The following GUCA1C variants were observed in gnomAD, a reference collection of about 807,000 sequenced individuals.
The protein encoded by GUCA1C is guanylyl cyclase-activating protein 3.
Under a neutral mutation model 16.2 loss-of-function variants are expected in GUCA1C, and 15 were observed. That is an observed-to-expected ratio of 0.93 (90% CI 0.62 to 1.43). The LOEUF (loss-of-function observed/expected upper bound fraction) is 1.43, where lower values mean the gene tolerates loss of function less well. Among genes scored for constraint, GUCA1C ranks in the 40% most tolerant of loss-of-function variants. The probability of loss-of-function intolerance (pLI) is 0.00; values close to 1 mark genes in which losing one functional copy is unlikely to be tolerated. For synonymous variants in GUCA1C, 78 were observed against 85.4 expected, an observed-to-expected ratio of 0.91 and a Z score of 0.48; for missense variants, 275 against 244.8, an observed-to-expected ratio of 1.12 and a Z score of -0.82.
chr3:108,926,335 C>A (rs903215515), intron 1 of GUCA1C, among the ~76,000 whole-genome samples: 5 of 152,204 alleles, frequency 3.3e-5, no homozygotes, highest in Non-Finnish European at 7.3e-5. Flanking sequence ...TTAGGTGAGT[C>A]TCTTGAAGGC....
chr3:108,928,283 C>G (rs866965485), intron 1 of GUCA1C, among the ~76,000 whole-genome samples: 1 of 152,216 alleles, frequency 6.6e-6, no homozygotes, highest in Admixed American at 6.5e-5. Context: ...TCTCCACCAT[C>G]CTAATCCAGA....
At chr3:108,931,219 T>TGCATTTTTCAATGTCGACC (rs2107298163) in intron 1 of GUCA1C, among the ~76,000 whole-genome samples, 1 of 152,366 alleles carries the variant, frequency 6.6e-6, no homozygotes, top group East Asian at 1.9e-4. Context: ...CTTCAGTGAC[T>TGCATTTTTCAATGTCGACC]GCATTTTTCA....
At chr3:108,938,281 G>A (rs1239696573) in intron 1 of GUCA1C, among the ~76,000 whole-genome samples, 2 of 152,028 alleles carry the variant, frequency 1.3e-5, no homozygotes, top group Non-Finnish European at 2.9e-5. Flanking sequence ...AATTTTCACA[G>A]CCCCATAACC....
At chr3:108,948,916 C>T (rs1229383245) in intron 1 of GUCA1C, among the ~76,000 whole-genome samples, 2 of 151,220 alleles carry the variant, frequency 1.3e-5, no homozygotes, top group Non-Finnish European at 2.9e-5. Context: ...GGCACGATCT[C>T]AACTCTCTGC....
chr3:108,915,123 G>T (rs971830275), intron 3 of GUCA1C, among the ~76,000 whole-genome samples: 1 of 150,856 alleles, frequency 6.6e-6, no homozygotes, highest in South Asian at 2.2e-4. Flanking sequence ...GCTTCCTCCC[G>T]GCCTCACCAT....
chr3:108,913,133 G>T (rs746771181), intron 3 of GUCA1C, among the ~76,000 whole-genome samples: 18 of 151,754 alleles, frequency 1.2e-4, no homozygotes, highest in Non-Finnish European at 2.5e-4. Context: ...AGTCTTTTTA[G>T]TTGTATCTTT....
intron 3 of GUCA1C, among the ~76,000 whole-genome samples, chr3:108,912,122 A>AATAATAATAATAATAATAATCATC (rs762101057): frequency 2.2e-3 from 327 of 147,738 alleles, no homozygotes; most frequent in South Asian, 8.5e-3. Flanking sequence ...TAATAATAAT[A>AATAATAATAATAATAATAATCATC]ATCACCCTTT....
Position 108,908,192 on chromosome 3 carries a change from C to T in GUCA1C, c.460G>A (p.Glu154Lys). The T allele has an allele frequency of 6.2e-7, 1 of 1,612,620 alleles. No individual in the cohort carries two copies. Among genetic ancestry groups the T allele is most frequent in the Non-Finnish European group, 8.5e-7 (1 of 1,178,782 alleles). The change falls in exon 4 of 4, where the codon GAA becomes AAA. Residue 154 changes from glutamate to lysine, a missense_variant. Transcript: ENST00000261047. ...INNDGELTLE[E>K]FINGMAKDQD... is the part of the protein sequence containing the mutation. ...TCTTTTGCCATGCCATTGATAAATT[C>T]TTCTAAAGTCAATTCCCCTGGAAAA...
chr3:108,952,911 T>C lies in GUCA1C; in HGVS notation c.204+648A>G, dbSNP rs79340187. Among the ~76,000 whole-genome samples, 37 of 152,236 alleles carry C rather than the reference T, an allele frequency of 2.4e-4. No individual in the cohort carries two copies. In the East Asian group the frequency reaches 6.4e-3, roughly 26 times the overall value. On this transcript the variant is annotated intron_variant, in intron 1 of 3. Coordinates refer to ENST00000261047, the MANE Select transcript of GUCA1C (RefSeq NM_005459.4). ...ATATTCTTTTCTCTTCTTTGTATTT[T>C]TTCAAGAAATGAAATTAAATGCACT...
At chr3:108,946,440 G>A (rs145612821) in intron 1 of GUCA1C, among the ~76,000 whole-genome samples, 145 of 152,204 alleles carry the variant, frequency 9.5e-4, no homozygotes, top group African/African-American at 3.2e-3. Context: ...ACAGCCTATG[G>A]TACATTTTGT....
At chr3:108,944,644 G>C (rs950803235) in intron 1 of GUCA1C, among the ~76,000 whole-genome samples, 4 of 152,134 alleles carry the variant, frequency 2.6e-5, no homozygotes, top group African/African-American at 9.7e-5. Context: ...ATGCAACCCC[G>C]TGTCTCATTT....
chr3:108,924,715 G>A (rs778935363), intron 1 of GUCA1C, among the ~76,000 whole-genome samples: 1 of 152,030 alleles, frequency 6.6e-6, no homozygotes, highest in African/African-American at 2.4e-5. Context: ...AATAGGATTG[G>A]TACCAATTCT....
chr3:108,912,182 C>G (rs898796440), intron 3 of GUCA1C, among the ~76,000 whole-genome samples: 4 of 151,396 alleles, frequency 2.6e-5, no homozygotes, highest in Non-Finnish European at 5.9e-5. Context: ...TATTAAGAGC[C>G]ACTTAAGTCT....
chr3:108,912,324 T>C (rs1264292246), intron 3 of GUCA1C, among the ~76,000 whole-genome samples: 1 of 151,828 alleles, frequency 6.6e-6, no homozygotes, highest in African/African-American at 2.4e-5. Context: ...TGGTAGAATA[T>C]GGATTGCTAT....
At chr3:108,908,661 T>G (rs1441542520) in intron 3 of GUCA1C, among the ~76,000 whole-genome samples, 1 of 152,220 alleles carries the variant, frequency 6.6e-6, no homozygotes, top group East Asian at 1.9e-4. Flanking sequence ...GTGAGAAAGC[T>G]TCAACATGTG....
chr3:108,945,835 T>C (rs1049125487), intron 1 of GUCA1C, among the ~76,000 whole-genome samples: 2 of 152,244 alleles, frequency 1.3e-5, no homozygotes, highest in African/African-American at 4.8e-5. Flanking sequence ...GGCTTCCTGT[T>C]ATACTAAAAG....
At chr3:108,940,480 G>A (rs918964276) in intron 1 of GUCA1C, among the ~76,000 whole-genome samples, 1 of 152,220 alleles carries the variant, frequency 6.6e-6, no homozygotes, top group African/African-American at 2.4e-5. Flanking sequence ...CCAAGCATGA[G>A]TCCTGGGTTA....
At chr3:108,930,970 G>A (rs886881502) in intron 1 of GUCA1C, among the ~76,000 whole-genome samples, 1 of 152,154 alleles carries the variant, frequency 6.6e-6, no homozygotes, top group African/African-American at 2.4e-5. Flanking sequence ...TGGAAGTGTG[G>A]ATGAAATAAG....
At chr3:108,954,206 C>T (rs1411017651), upstream of GUCA1C, among the ~76,000 whole-genome samples, 1 of 152,100 alleles carries the variant, frequency 6.6e-6, no homozygotes, top group Non-Finnish European at 1.5e-5. Flanking sequence ...CTCGTGTTTC[C>T]TCATCTGTAA....
Sources: gnomAD v4.1 joint callset for allele counts (sites outside exome capture counted in the v4.1 genomes callset) on GRCh38, gnomAD v4.1.1 for gene constraint, MANE v1.5 for transcripts, NCBI Gene and HGNC (gene_info 2026-07-23, HGNC 2026-07-21) for gene names.